Variants in ELP2 observed in about 807,000 individuals in gnomAD.
ELP2 encodes the protein elongator acetyltransferase complex subunit 2.
A neutral mutation model predicts 119.2 loss-of-function variants in ELP2; 90 were observed. That is an observed-to-expected ratio of 0.75 (90% CI 0.64 to 0.90). ELP2 has a LOEUF of 0.90. Among genes scored for constraint, ELP2 ranks in the 40% least tolerant of loss-of-function variants. The pLI is 0.00. For synonymous variants in ELP2, 339 were observed against 331.0 expected, an observed-to-expected ratio of 1.02 and a Z score of -0.26; for missense variants, 921 against 967.8, an observed-to-expected ratio of 0.95 and a Z score of 0.64.
At chr18:36,154,730 T>C (rs979881512) in intron 11 of ELP2, 120 bp from the exon 12 acceptor site, 2 of 1,036,760 alleles carry the variant, frequency 1.9e-6, no homozygotes, top group African/African-American at 3.1e-5. Context: ...TCCGATCTTG[T>C]ATACTTAGCT....
At position 36,142,946 on chromosome 18, in the gene ELP2, C is replaced by G; in HGVS notation, c.776C>G (p.Thr259Ser). Residue 259 changes from threonine (T) to serine (S), a missense_variant, in exon 8 of 22, where the codon ACT (threonine) becomes AGT (serine). Physicochemically the swap from Thr to Ser is moderately conservative, Grantham distance 58 (BLOSUM62 1). Coordinates refer to ENST00000358232, the MANE Select transcript of ELP2 (RefSeq NM_018255.4). ...GATAACATAAGACTGAAAGAAAATACTTTTACCATAGAAAATGAAAGTGAG... is the reference window on the plus strand; with the variant it reads ...GATAACATAAGACTGAAAGAAAATAGTTTTACCATAGAAAATGAAAGTGAG... ...DDDNIRLKEN[T>S]FTIENESVKI... 5 of 1,586,848 alleles carry G rather than the reference C, an allele frequency of 3.2e-6. No individual in the cohort carries two copies. The highest frequency in any genetic ancestry group is 4.3e-6 in the Non-Finnish European group (5 of 1,159,512).
intron 19 of ELP2, among the ~76,000 whole-genome samples, chr18:36,168,242 C>T (rs1026284002): frequency 3.3e-5 from 5 of 152,158 alleles, no homozygotes; most frequent in Admixed American, 3.3e-4. Context: ...GCAGACTTTA[C>T]ATCTCAGACC....
Position 36,155,269 on chromosome 18 carries a change from C to CG in ELP2, c.1275+270_1275+271insG, listed in dbSNP as rs913148439. Reference sequence around the variant, plus strand: ...CTCAGGTGATGCACCGCCCCTCCCCCCCCCCCGCCTCCCAAAGTGCTGGGT... The same window carrying CG: ...CTCAGGTGATGCACCGCCCCTCCCCCGCCCCCCGCCTCCCAAAGTGCTGGGT... On this transcript the variant is annotated intron_variant, in intron 12 of 21. Transcript: ENST00000358232. Among the ~76,000 whole-genome samples, 11 of 143,628 alleles carry CG rather than the reference C, an allele frequency of 7.7e-5. 1 individual carries two copies. Among genetic ancestry groups the CG allele is most frequent in the Admixed American group, 4.1e-4 (6 of 14,474 alleles). 94.2% of individuals were successfully genotyped at this position (143,628 alleles called of 152,430 possible). A position where few individuals can be genotyped will look rare whatever the true frequency, so the allele number is the denominator to read the frequency against.
In ELP2 at chr18:36,175,707, G is replaced by C. The variant is rs2091208802; in HGVS notation, c.*1066G>C. 6.6e-6 allele frequency: 1 copy of C among 152,462 alleles called. No individual in the cohort carries two copies. Among genetic ancestry groups the C allele is most frequent in the Non-Finnish European group, 1.5e-5 (1 of 68,180 alleles). 9.4% of individuals were successfully genotyped at this position (152,462 alleles called of 1,614,324 possible). A position where few individuals can be genotyped will look rare whatever the true frequency, so the allele number is the denominator to read the frequency against. On this transcript the variant is annotated 3_prime_UTR_variant, in exon 22 of 22. Transcript: ENST00000358232. Reference sequence around the variant, plus strand: ...GGCTGGAGGCAGCCAGGAGAGTTGGGAGCCTGGGTGCTGGGTGGAGAGAGG... The same window carrying C: ...GGCTGGAGGCAGCCAGGAGAGTTGGCAGCCTGGGTGCTGGGTGGAGAGAGG...
intron 17 of ELP2, among the ~76,000 whole-genome samples, chr18:36,163,746 C>T (rs1433752495): frequency 6.6e-6 from 1 of 152,080 alleles, no homozygotes; most frequent in Admixed American, 6.5e-5. Flanking sequence ...TGTCTAAAGT[C>T]GGTTGTTCAT....
At chr18:36,158,582 G>A in intron 13 of ELP2, 1 of 395,172 alleles carries the variant, frequency 2.5e-6, no homozygotes, top group Non-Finnish European at 4.7e-6. Flanking sequence ...GAGGATGCCC[G>A]ACTTTATGGA....
At chr18:36,159,864 T>C (rs1294113655) in intron 15 of ELP2, 34 bp downstream of exon 15, 1 of 1,606,796 alleles carries the variant, frequency 6.2e-7, no homozygotes, top group Non-Finnish European at 8.5e-7. Flanking sequence ...AATAAATCGC[T>C]AGAACACACA....
rs776094556 is a variant in ELP2 at position 36,171,029 on chromosome 18, C to T, written c.2211-18C>T. The T allele has an allele frequency of 5.3e-5, 80 of 1,520,316 alleles. 1 individual carries two copies. The Admixed American group carries it at 1.1e-3, about 21-fold the overall frequency. The allele number at this position is 1,520,316 out of a possible 1,614,324, so 94.2% of individuals were successfully genotyped here. On this transcript the variant is annotated intron_variant, in intron 20 of 21. Coordinates refer to ENST00000358232, the MANE Select transcript of ELP2 (RefSeq NM_018255.4). ...TCATGCTAAGTTAATCACTGTTGTC[C>T]CCCTCCCTTAAAAACAGATACGTGG...
chr18:36,138,231 C>G lies in ELP2; in HGVS notation c.289-39C>G. On this transcript the variant is annotated intron_variant, in intron 3 of 21. Coordinates refer to ENST00000358232, the MANE Select transcript of ELP2 (RefSeq NM_018255.4). Reference sequence around the variant, plus strand: ...CAATTAAATAAAGGTAAAAAAAATCCTTTTTTTCACAATGCTTCTGTCATT... The same window carrying G: ...CAATTAAATAAAGGTAAAAAAAATCGTTTTTTTCACAATGCTTCTGTCATT... 1.9e-6 allele frequency: 3 copies of G among 1,579,474 alleles called. No individual in the cohort carries two copies. The South Asian group carries it at 3.4e-5, about 18-fold the overall frequency.
rs926375098 is a variant in ELP2 at position 36,174,905 on chromosome 18, C to T, written c.*264C>T. On this transcript the variant is annotated 3_prime_UTR_variant, in exon 22 of 22. Transcript: ENST00000358232. The stretch of plus-strand genomic sequence containing the variant: ...AGACTGGGTTTCACCGTTGGCCAGG[C>T]GGGTCTCAAACTCCTCGTCTCAGGT... 7.8e-5 allele frequency: 30 copies of T among 384,734 alleles called. No homozygotes were observed. Among genetic ancestry groups the T allele is most frequent in the African/African-American group, 4.7e-4 (23 of 48,450 alleles). The allele number at this position is 384,734 out of a possible 1,614,324, so 23.8% of individuals were successfully genotyped here. A position where few individuals can be genotyped will look rare whatever the true frequency, so the allele number is the denominator to read the frequency against.
chr18:36,159,866 GAAC>G (rs1208577392), intron 15 of ELP2, 36 bp downstream of exon 15: 10 of 1,607,216 alleles, frequency 6.2e-6, no homozygotes, highest in Non-Finnish European at 8.5e-6. Flanking sequence ...TAAATCGCTA[GAAC>G]ACACAGTATG....
intron 17 of ELP2, 74 bp downstream of exon 17, chr18:36,161,078 G>C: frequency 9.4e-7 from 1 of 1,058,374 alleles, no homozygotes; most frequent in Non-Finnish European, 1.5e-6. Context: ...GTTTGGTAAT[G>C]ATTTAGGCAG....
chr18:36,149,479 T>TG (rs1782880598), intron 11 of ELP2, among the ~76,000 whole-genome samples: 1 of 79,742 alleles, frequency 1.3e-5, no homozygotes, highest in East Asian at 4.5e-4. Flanking sequence ...GGGTTTTTTG[T>TG]TTTGTTTTGT....
Position 36,174,707 on chromosome 18 carries a change from C to G in ELP2, c.*66C>G. The G allele has an allele frequency of 6.8e-7, 1 of 1,463,700 alleles. No individual in the cohort carries two copies. Among genetic ancestry groups the G allele is most frequent in the Non-Finnish European group, 9.5e-7 (1 of 1,051,982 alleles). 90.7% of individuals were successfully genotyped at this position (1,463,700 alleles called of 1,614,324 possible). On this transcript the variant is annotated 3_prime_UTR_variant, in exon 22 of 22. Coordinates refer to ENST00000358232, the MANE Select transcript of ELP2 (RefSeq NM_018255.4). ...AAATATTATCATGTAAACAGGTCATCTTTACCTTCATAACTGAATTGAGTT... is the reference window on the plus strand; with the variant it reads ...AAATATTATCATGTAAACAGGTCATGTTTACCTTCATAACTGAATTGAGTT...
Position 36,130,085 on chromosome 18 carries a change from C to G in ELP2, c.138+14C>G. The G allele has an allele frequency of 6.2e-7, 1 of 1,614,070 alleles. No homozygotes were observed. Among genetic ancestry groups the G allele is most frequent in the South Asian group, 1.1e-5 (1 of 91,088 alleles). ...TATGACCCCCTGGTAAGAGAGGTCG[C>G]TGGACGGCCGACCCTTGTGCTTTTC... On this transcript the variant is annotated intron_variant, in intron 1 of 21. Transcript: ENST00000358232.
intron 13 of ELP2, among the ~76,000 whole-genome samples, chr18:36,158,010 T>A (rs1416559168): frequency 6.6e-6 from 1 of 152,166 alleles, no homozygotes; most frequent in Non-Finnish European, 1.5e-5. Context: ...TTGCTCTCGT[T>A]TGGGTTTTGC....
chr18:36,149,483 G>GT (rs561853812), intron 11 of ELP2, among the ~76,000 whole-genome samples: 17,022 of 101,542 alleles, frequency 0.17, 1,928 homozygotes, highest in South Asian at 0.18. Flanking sequence ...TTTTTGTTTT[G>GT]TTTTGTTTTT....
intron 8 of ELP2, among the ~76,000 whole-genome samples, chr18:36,143,898 C>T (rs1242573521): frequency 6.6e-6 from 1 of 152,156 alleles, no homozygotes; most frequent in Non-Finnish European, 1.5e-5. Flanking sequence ...GAATTACTTA[C>T]ACATTTTATT....
intron 14 of ELP2, 39 bp from the exon 15 acceptor site, chr18:36,159,696 A>C (rs1242506533): frequency 2.0e-6 from 3 of 1,473,478 alleles, no homozygotes; most frequent in Non-Finnish European, 2.8e-6. Flanking sequence ...GGAGATATAA[A>C]AATAGTGACT....
Sources: allele counts gnomAD v4.1 joint callset (sites outside exome capture counted in the v4.1 genomes callset), GRCh38; gene constraint gnomAD v4.1.1; transcripts MANE v1.5; gene names NCBI Gene and HGNC (gene_info 2026-07-23, HGNC 2026-07-21).